GHR: variants seen among roughly 807,000 people sequenced by gnomAD.
GHR encodes GH receptor.
Under a neutral mutation model 67.1 loss-of-function variants are expected in GHR, and 35 were observed. The observed-to-expected ratio is 0.52, with a 90% CI of 0.40 to 0.69. GHR has a LOEUF of 0.69. Ranked by LOEUF, GHR falls within the 30% of genes least tolerant of loss-of-function variation. The probability of loss-of-function intolerance (pLI) is 0.00; values close to 1 mark genes in which losing one functional copy is unlikely to be tolerated. For synonymous variants in GHR, 272 were observed against 269.1 expected (o/e 1.01, Z -0.10); for missense variants, 792 against 764.6 (o/e 1.04, Z -0.42).
chr5:42,626,574 T>G (rs532934023), intron 2 of GHR, among the ~76,000 whole-genome samples: 28 of 152,232 alleles, frequency 1.8e-4, no homozygotes, highest in African/African-American at 6.5e-4. Context: ...CCTCTCCCCT[T>G]CCTGAGGTTG....
intron 1 of GHR, among the ~76,000 whole-genome samples, chr5:42,481,084 TG>T (rs1460824741): frequency 6.6e-6 from 1 of 152,060 alleles, no homozygotes; most frequent in African/African-American, 2.4e-5. Flanking sequence ...GCAGGCCTGG[TG>T]GTGACAAAAT....
chr5:42,492,202 C>T (rs967835155), intron 1 of GHR, among the ~76,000 whole-genome samples: 3 of 152,136 alleles, frequency 2.0e-5, no homozygotes, highest in African/African-American at 4.8e-5. Flanking sequence ...TAGATTGTGA[C>T]CTTGTAATGA....
chr5:42,502,092 G>A (rs913752564), intron 1 of GHR, among the ~76,000 whole-genome samples: 4 of 152,056 alleles, frequency 2.6e-5, no homozygotes, highest in African/African-American at 7.3e-5. Flanking sequence ...TGGGAGTTAG[G>A]GATTCATAGA....
At chr5:42,512,998 C>T (rs763093757) in intron 1 of GHR, among the ~76,000 whole-genome samples, 20 of 151,860 alleles carry the variant, frequency 1.3e-4, no homozygotes, top group Non-Finnish European at 2.1e-4. Context: ...TTAAAGGGGT[C>T]AGAGAAATAA....
chr5:42,706,058 T>C (rs183963619), intron 6 of GHR, among the ~76,000 whole-genome samples: 1 of 152,290 alleles, frequency 6.6e-6, no homozygotes, highest in Non-Finnish European at 1.5e-5. Flanking sequence ...CAGCATCTGT[T>C]ATTTTTTGAC....
At chr5:42,547,802 T>C (rs192549512) in intron 1 of GHR, among the ~76,000 whole-genome samples, 6 of 152,280 alleles carry the variant, frequency 3.9e-5, no homozygotes, top group Admixed American at 6.5e-5. Flanking sequence ...TGCTAGGATT[T>C]CTAATGAGCA....
At chr5:42,429,102 T>G (rs932481595) in intron 1 of GHR, among the ~76,000 whole-genome samples, 1 of 152,190 alleles carries the variant, frequency 6.6e-6, no homozygotes, top group Admixed American at 6.5e-5. Context: ...GACTGGGTAA[T>G]TTATAAAGAA....
At chr5:42,666,275 T>A (rs1755973669) in intron 3 of GHR, among the ~76,000 whole-genome samples, 1 of 152,168 alleles carries the variant, frequency 6.6e-6, no homozygotes, top group Non-Finnish European at 1.5e-5. Flanking sequence ...GAGGGTGAAA[T>A]TAATTTTAAC....
At chr5:42,498,362 G>T (rs182938369) in intron 1 of GHR, among the ~76,000 whole-genome samples, 1 of 152,282 alleles carries the variant, frequency 6.6e-6, no homozygotes, top group East Asian at 1.9e-4. Context: ...GGGAGAAAGG[G>T]ATGATTTATT....
chr5:42,467,730 C>A, intron 1 of GHR: 1 of 1,562,562 alleles, frequency 6.4e-7, no homozygotes, highest in Non-Finnish European at 8.8e-7. Flanking sequence ...AAGGTTTCTC[C>A]CCGGTGTGGA....
In GHR at chr5:42,424,867, C is replaced by A. The variant is rs564325187; in HGVS notation, c.-12+912C>A. The A allele has an allele frequency of 2.8e-5, 11 of 387,444 alleles. No homozygotes were observed. The highest frequency in any genetic ancestry group is 2.0e-4 in the African/African-American group (9 of 46,004). 24.0% of individuals were successfully genotyped at this position (387,444 alleles called of 1,614,324 possible). A position where few individuals can be genotyped will look rare whatever the true frequency, so the allele number is the denominator to read the frequency against. ...AGCTGCGGGGGCTCTCGGTCTGGCG[C>A]GGACTGTGTGTCCTGAATGAGTGTA... On this transcript the variant is annotated intron_variant, in intron 1 of 9. Transcript: ENST00000230882. The surrounding 1 kb of genome is among the most constrained non-coding windows in gnomAD (Gnocchi z 4.1).
At position 42,685,630 on chromosome 5, in the gene GHR, G is replaced by A. The variant is rs562036401; in HGVS notation, c.137-3260G>A. Among the ~76,000 whole-genome samples, 269 of 152,114 alleles carry A rather than the reference G, an allele frequency of 1.8e-3. 1 individual carries two copies. The highest frequency in any genetic ancestry group is 6.1e-3 in the African/African-American group (255 of 41,466). On this transcript the variant is annotated intron_variant, in intron 3 of 9. Transcript: ENST00000230882. ...GTTTTTTCCTGACTTTTTAATGATC[G>A]CCATTCTAACTGGTGTGAAATGGTA...
chr5:42,634,437 A>G (rs1754073719), intron 3 of GHR, among the ~76,000 whole-genome samples: 1 of 152,100 alleles, frequency 6.6e-6, no homozygotes, highest in Non-Finnish European at 1.5e-5. Context: ...AGATAGGGAC[A>G]ATATCTTACA....
chr5:42,597,536 G>A (rs915659121), intron 2 of GHR, among the ~76,000 whole-genome samples: 1 of 152,132 alleles, frequency 6.6e-6, no homozygotes, highest in Non-Finnish European at 1.5e-5. Context: ...GGCATCCATG[G>A]TTCCAGTGCC....
intron 1 of GHR, among the ~76,000 whole-genome samples, chr5:42,480,883 TTA>T (rs1393803815): frequency 9.2e-5 from 14 of 152,250 alleles, no homozygotes; most frequent in Admixed American, 9.2e-4. Context: ...TTTAGCCCAT[TTA>T]CATTCAAAGT....
chr5:42,435,070 A>G (rs1352884240), intron 1 of GHR, among the ~76,000 whole-genome samples: 8 of 152,242 alleles, frequency 5.3e-5, no homozygotes, highest in Non-Finnish European at 7.3e-5. Flanking sequence ...GGCACTGCAG[A>G]TATAGAGAAT....
chr5:42,482,677 G>A (rs554230661), intron 1 of GHR, among the ~76,000 whole-genome samples: 6 of 152,154 alleles, frequency 3.9e-5, no homozygotes, highest in Non-Finnish European at 5.9e-5. Flanking sequence ...AGGACCCTCC[G>A]AGCCAGGTGC....
At chr5:42,671,947 C>G (rs1303302428) in intron 3 of GHR, among the ~76,000 whole-genome samples, 4 of 118,022 alleles carry the variant, frequency 3.4e-5, no homozygotes, top group Non-Finnish European at 7.1e-5. Flanking sequence ...CAGAGCAAGA[C>G]TCCGTCTCAA....
chr5:42,503,612 A>C (rs1746631997), intron 1 of GHR, among the ~76,000 whole-genome samples: 1 of 152,212 alleles, frequency 6.6e-6, no homozygotes, highest in Non-Finnish European at 1.5e-5. Context: ...CAATGAACAA[A>C]ACAGAGTCCT....
Sources: gnomAD v4.1 joint callset for allele counts (sites outside exome capture counted in the v4.1 genomes callset) on GRCh38, gnomAD v4.1.1 for gene constraint, Gnocchi (gnomAD v3.1) non-coding constraint, MANE v1.5 for transcripts, NCBI Gene and HGNC (gene_info 2026-07-23, HGNC 2026-07-21) for gene names.